Variants in CERS1 observed in about 807,000 individuals in gnomAD.
CERS1 encodes the protein ceramide synthase 1, also known as Embryonic growth/differentiation factor 1.
A neutral mutation model predicts 35.7 loss-of-function variants in CERS1; 16 were observed. The ratio of observed to expected loss-of-function variants is 0.45; its 90% CI spans 0.30 to 0.68. The LOEUF (loss-of-function observed/expected upper bound fraction) is 0.68. Ranked by LOEUF, CERS1 falls within the 30% of genes least tolerant of loss-of-function variation. The pLI, the probability that CERS1 is intolerant of heterozygous loss-of-function variation, is 0.08. For synonymous variants in CERS1, 243 were observed against 201.6 expected, an observed-to-expected ratio of 1.21 and a Z score of -1.74; for missense variants, 454 against 453.9, an observed-to-expected ratio of 1.00 and a Z score of 0.00.
At chr19:18,885,581 G>A (rs1355400150) in intron 2 of CERS1, among the ~76,000 whole-genome samples, 12 of 149,484 alleles carry the variant, frequency 8.0e-5, no homozygotes, top group African/African-American at 3.0e-4. Flanking sequence ...GTGCAGTGGC[G>A]GGATCTCGGC....
chr19:18,885,512 T>TTTTTG (rs2056328487), intron 2 of CERS1, among the ~76,000 whole-genome samples: 1 of 22,114 alleles, frequency 4.5e-5, no homozygotes, highest in Admixed American at 5.8e-4. Flanking sequence ...CCCCTTCTCG[T>TTTTTG]TTTTTTTTTT....
chr19:18,892,922 T>A (rs1278993845), intron 2 of CERS1, among the ~76,000 whole-genome samples: 2 of 151,922 alleles, frequency 1.3e-5, no homozygotes, highest in Non-Finnish European at 2.9e-5. Context: ...GTTCTTTTTT[T>A]CTTTTCTTTT....
chr19:18,870,586 C>A lies in CERS1; in HGVS notation c.1044G>T (p.Lys348Asn). The change falls in exon 7 of 8, where the codon AAG becomes AAT. Residue 348 changes from lysine (K) to asparagine (N), a missense_variant. Transcript: ENST00000623882. The surrounding 1 kb of genome is among the most constrained non-coding windows in gnomAD (Gnocchi z 5.1). ...KPLRNGLVKD[K>N]RF ...GGCGGGGCCGAGGGGTTCAGAAGCG[C>A]TTGTCCTTCACCAGGCCGTTCCTCA... is the stretch of plus-strand genomic sequence containing the variant. 1 of 594,762 alleles carries A rather than the reference C, an allele frequency of 1.7e-6. No homozygotes were observed. Among genetic ancestry groups the A allele is most frequent in the East Asian group, 3.0e-5 (1 of 33,414 alleles). The allele number at this position is 594,762 out of a possible 1,614,324, so 36.8% of individuals were successfully genotyped here.
At chr19:18,869,851 GAAGTTGCTAGTA>G (rs2055932405) in intron 7 of CERS1, 120 bp downstream of exon 7, 3 of 851,700 alleles carry the variant, frequency 3.5e-6, no homozygotes, top group Non-Finnish European at 5.7e-6. Context: ...TGCGGTGGCC[GAAGTTGCTAGTA>G]GCCTGGACAG....
At position 18,878,485 on chromosome 19, in the gene CERS1, C is replaced by T. The variant is rs1452378026; in HGVS notation, c.1010+445G>A. ...AAACTCAGAGGCCAGGATGTCTCGG[C>T]CCAGATGGAGCCTGGGTTCTCTCTG... On this transcript the variant is annotated intron_variant, in intron 6 of 7. Coordinates refer to ENST00000623882, the MANE Select transcript of CERS1 (RefSeq NM_021267.5). This position sits in a 1 kb window ranked among gnomAD's most constrained non-coding sequence, Gnocchi z 4.6. 28 of 996,188 alleles carry T rather than the reference C, an allele frequency of 2.8e-5. No homozygotes were observed. Among genetic ancestry groups the T allele is most frequent in the Non-Finnish European group, 3.3e-5 (28 of 836,024 alleles). The allele number at this position is 996,188 out of a possible 1,614,324, so 61.7% of individuals were successfully genotyped here. A position where few individuals can be genotyped will look rare whatever the true frequency, so the allele number is the denominator to read the frequency against.
At chr19:18,872,101 T>C (rs2055981006) in intron 6 of CERS1, among the ~76,000 whole-genome samples, 1 of 152,244 alleles carries the variant, frequency 6.6e-6, no homozygotes, top group Non-Finnish European at 1.5e-5. Context: ...TTAGGTTAGT[T>C]TCTCCACTCA....
chr19:18,877,995 G>A (rs2056093883), intron 6 of CERS1: 1 of 985,428 alleles, frequency 1.0e-6, no homozygotes, highest in Non-Finnish European at 1.2e-6. Context: ...CAGGGTGGGG[G>A]GTCTGACGCT....
At chr19:18,882,488 C>A (rs1381849704) in intron 3 of CERS1, among the ~76,000 whole-genome samples, 1 of 151,402 alleles carries the variant, frequency 6.6e-6, no homozygotes, top group African/African-American at 2.4e-5. Flanking sequence ...TAATAATTAG[C>A]CGGTGTGATG....
Position 18,873,854 on chromosome 19 carries a change from AAAG to A in CERS1, c.1011-3238_1011-3236del, listed in dbSNP as rs1310534782. Among the ~76,000 whole-genome samples, 119 of 151,432 alleles carry A rather than the reference AAAG, an allele frequency of 7.9e-4. 2 individuals carry two copies. The highest frequency in any genetic ancestry group is 6.5e-3 in the South Asian group (31 of 4,794). On this transcript the variant is annotated intron_variant, in intron 6 of 7. Coordinates refer to ENST00000623882, the MANE Select transcript of CERS1 (RefSeq NM_021267.5). The stretch of plus-strand genomic sequence containing the variant: ...AGACTCTGTCTCGAAAAAAAAAAAA[AAAG>A]AAGAAGAAGGGGAGGGGACTCTCTG...
At chr19:18,875,052 T>C (rs2056036737) in intron 6 of CERS1, among the ~76,000 whole-genome samples, 1 of 151,814 alleles carries the variant, frequency 6.6e-6, no homozygotes, top group South Asian at 2.1e-4. Context: ...CTGGGTAATA[T>C]AGTGAGATCT....
rs746505282 is a variant in CERS1 at position 18,884,165 on chromosome 19, G to A, written c.512C>T (p.Thr171Ile). The A allele has an allele frequency of 5.8e-5, 93 of 1,613,640 alleles. No individual in the cohort carries two copies. The highest frequency in any genetic ancestry group is 7.9e-5 in the Non-Finnish European group (93 of 1,179,854). Residue 171 changes from threonine to isoleucine, a missense_variant, in exon 3 of 8, where the codon ACC becomes ATC. Thr to Ile is a moderately conservative substitution (Grantham distance 89, BLOSUM62 -1). Transcript: ENST00000623882. ...CATGACCACCGAGTCCTTGCGCCAGGTGTCCATGTATAGCGTAGCGTAGAT... is the reference window on the plus strand; with the variant it reads ...CATGACCACCGAGTCCTTGCGCCAGATGTCCATGTATAGCGTAGCGTAGAT... Reference protein sequence around the residue: ...HSIYATLYMDTWRKDSVVMLL... With the variant: ...HSIYATLYMDIWRKDSVVMLL...
chr19:18,874,492 G>A (rs2056027607), intron 6 of CERS1, among the ~76,000 whole-genome samples: 1 of 152,178 alleles, frequency 6.6e-6, no homozygotes, highest in Admixed American at 6.5e-5. Flanking sequence ...CTGCTGCAGG[G>A]GCAGTGGCAG....
chr19:18,892,634 A>G (rs931859760), intron 2 of CERS1, among the ~76,000 whole-genome samples: 1 of 151,936 alleles, frequency 6.6e-6, no homozygotes, highest in Non-Finnish European at 1.5e-5. Context: ...AAACAACCAC[A>G]TCCAGAACAG....
intron 2 of CERS1, among the ~76,000 whole-genome samples, chr19:18,890,351 G>A (rs1057417028): frequency 5.9e-5 from 9 of 152,212 alleles, no homozygotes; most frequent in African/African-American, 2.2e-4. Flanking sequence ...TGTTGCCCCT[G>A]CCACACGGCC....
chr19:18,878,680 C>G lies in CERS1; in HGVS notation c.1010+250G>C. On this transcript the variant is annotated intron_variant, in intron 6 of 7. Transcript: ENST00000623882. The surrounding 1 kb of genome is among the most constrained non-coding windows in gnomAD (Gnocchi z 4.6). ...TAGGCCTGGCCCTCAGTGTCCCTAC[C>G]GCTGAGACCCTGCCTGTCGCCCTGC... 7.5e-7 allele frequency: 1 copy of G among 1,331,378 alleles called. No homozygotes were observed. Among genetic ancestry groups the G allele is most frequent in the South Asian group, 1.6e-5 (1 of 63,686 alleles). 82.5% of individuals were successfully genotyped at this position (1,331,378 alleles called of 1,614,324 possible). A position where few individuals can be genotyped will look rare whatever the true frequency, so the allele number is the denominator to read the frequency against.
At chr19:18,874,554 G>C (rs1358645448) in intron 6 of CERS1, among the ~76,000 whole-genome samples, 2 of 152,248 alleles carry the variant, frequency 1.3e-5, no homozygotes, top group Non-Finnish European at 2.9e-5. Context: ...CAGGTCACCA[G>C]ATCCAGAGAG....
rs1162659067 is a variant in CERS1 at position 18,870,163 on chromosome 19, G to A, written c.*414C>T. 1 of 1,562,496 alleles carries A rather than the reference G, an allele frequency of 6.4e-7. No individual in the cohort carries two copies. The highest frequency in any genetic ancestry group is 1.8e-5 in the Admixed American group (1 of 54,252). On this transcript the variant is annotated 3_prime_UTR_variant, in exon 7 of 8. Coordinates refer to ENST00000623882, the MANE Select transcript of CERS1 (RefSeq NM_021267.5). This position sits in a 1 kb window ranked among gnomAD's most constrained non-coding sequence, Gnocchi z 5.1. Reference sequence around the variant, plus strand: ...GGCCGGAGCCTGGGGGCACCCTGGGGCTCATCGCGCAGTCCTAGAGCCTGG... The same window carrying A: ...GGCCGGAGCCTGGGGGCACCCTGGGACTCATCGCGCAGTCCTAGAGCCTGG...
chr19:18,883,590 TG>T (rs1231134064), intron 3 of CERS1, among the ~76,000 whole-genome samples: 2 of 152,072 alleles, frequency 1.3e-5, no homozygotes, highest in African/African-American at 2.4e-5. Context: ...CTCGTTTGTA[TG>T]TGAAGGCTTT....
rs766003135 is a variant in CERS1 at position 18,869,349 on chromosome 19, G to A, written c.*636C>T. The A allele has an allele frequency of 4.6e-6, 7 of 1,532,086 alleles. No homozygotes were observed. In the Admixed American group the frequency reaches 5.9e-5, roughly 13 times the overall value. 94.9% of individuals were successfully genotyped at this position (1,532,086 alleles called of 1,614,324 possible). A position where few individuals can be genotyped will look rare whatever the true frequency, so the allele number is the denominator to read the frequency against. On this transcript the variant is annotated 3_prime_UTR_variant, in exon 8 of 8. Coordinates refer to ENST00000623882, the MANE Select transcript of CERS1 (RefSeq NM_021267.5). ...AAGACGACTGTCCACTCAGGGCAAT[G>A]CCCCGCGGCCGAGGCAGGCTCCGAG...
Sources: gnomAD v4.1 joint callset for allele counts (sites outside exome capture counted in the v4.1 genomes callset) on GRCh38, gnomAD v4.1.1 for gene constraint, Gnocchi (gnomAD v3.1) non-coding constraint, MANE v1.5 for transcripts, NCBI Gene and HGNC (gene_info 2026-07-23, HGNC 2026-07-21) for gene names.